The following RASEF variants were observed in gnomAD, a reference collection of about 807,000 sequenced individuals.
RASEF encodes ras and EF-hand domain-containing protein.
A neutral mutation model predicts 90.1 loss-of-function variants in RASEF; 68 were observed. The ratio of observed to expected loss-of-function variants is 0.75; its 90% CI spans 0.62 to 0.92. The LOEUF (loss-of-function observed/expected upper bound fraction) is 0.92, where lower values mean the gene tolerates loss of function less well. RASEF is among the 40% of genes least tolerant of loss of function. RASEF has a pLI of 0.00. For missense variants in RASEF, 949 were observed against 937.2 expected, an observed-to-expected ratio of 1.01 and a Z score of -0.16; for synonymous variants, 331 against 345.2, an observed-to-expected ratio of 0.96 and a Z score of 0.46.
the RASEF span, among the ~76,000 whole-genome samples, chr9:83,079,799 TAAGTGTATAGGTAGA>T: frequency 2.0e-5 from 3 of 151,446 alleles, no homozygotes; most frequent in Admixed American, 6.6e-5. Context: ...TTGTTTAAAA[TAAGTGTATAGGTAGA>T]AAGTGTATAG....
intron 1 of RASEF, among the ~76,000 whole-genome samples, chr9:83,043,685 G>A (rs1405428748): frequency 6.6e-6 from 1 of 152,142 alleles, no homozygotes; most frequent in Non-Finnish European, 1.5e-5. Flanking sequence ...TGAAGTCAGC[G>A]AAGTTTATCT....
In RASEF at chr9:83,027,743, T is replaced by A. The variant is rs543566207; in HGVS notation, c.432-1822A>T. 3.3e-5 allele frequency among the ~76,000 whole-genome samples: 5 copies of A among 152,326 alleles called. No homozygotes were observed. In the South Asian group the frequency reaches 1.0e-3, roughly 32 times the overall value. On this transcript the variant is annotated intron_variant, in intron 1 of 16. Coordinates refer to ENST00000376447, the MANE Select transcript of RASEF (RefSeq NM_152573.4). ...AAGAGCTGATTCACCGACAGGAATG[T>A]AGCATGATGTATGAATAATATACCC...
chr9:83,198,460 A>G, the RASEF span, among the ~76,000 whole-genome samples: 5 of 152,160 alleles, frequency 3.3e-5, no homozygotes, highest in Admixed American at 3.3e-4. Context: ...GTCCTTACAC[A>G]TGGATAGACT....
intron 16 of RASEF, among the ~76,000 whole-genome samples, chr9:82,990,090 G>A (rs1480237491): frequency 6.6e-6 from 1 of 152,124 alleles, no homozygotes; most frequent in African/African-American, 2.4e-5. Flanking sequence ...AGTCCCTTGT[G>A]TATAAAATCT....
intron 16 of RASEF, among the ~76,000 whole-genome samples, chr9:82,988,454 CT>C (rs975942767): frequency 6.6e-6 from 1 of 151,808 alleles, no homozygotes; most frequent in South Asian, 2.1e-4. Context: ...CAAATATTCA[CT>C]TTTTTTTTCT....
At chr9:83,158,633 T>TATATGTATATATGTAC in the RASEF span, among the ~76,000 whole-genome samples, 1 of 115,582 alleles carries the variant, frequency 8.7e-6, no homozygotes, top group Admixed American at 9.0e-5. Flanking sequence ...TACATATGTA[T>TATATGTATATATGTAC]ATATGTATAT....
chr9:83,122,093 G>A, the RASEF span, among the ~76,000 whole-genome samples: 1 of 152,158 alleles, frequency 6.6e-6, no homozygotes, highest in African/African-American at 2.4e-5. Flanking sequence ...TGAATTGGGG[G>A]AAGGGAAGGG....
intron 14 of RASEF, among the ~76,000 whole-genome samples, chr9:82,994,179 A>G (rs905496331): frequency 2.0e-5 from 3 of 152,192 alleles, no homozygotes. Flanking sequence ...AGTGTAATAA[A>G]ATCAAAGGAA....
At chr9:83,164,263 A>G in the RASEF span, among the ~76,000 whole-genome samples, 131 of 149,810 alleles carry the variant, frequency 8.7e-4, 1 homozygote, top group East Asian at 0.02. Flanking sequence ...TATTTTTCTT[A>G]TTCTTAATTG....
At chr9:83,209,845 C>T in the RASEF span, among the ~76,000 whole-genome samples, 3 of 152,112 alleles carry the variant, frequency 2.0e-5, no homozygotes, top group African/African-American at 4.8e-5. Context: ...TGTGCCCTCC[C>T]GCTTCCCTGA....
the RASEF span, among the ~76,000 whole-genome samples, chr9:83,162,461 T>C: frequency 6.6e-6 from 1 of 152,196 alleles, no homozygotes; most frequent in African/African-American, 2.4e-5. Flanking sequence ...AAATTAGTAT[T>C]TACCAAAAAT....
At chr9:83,120,859 G>A in the RASEF span, among the ~76,000 whole-genome samples, 9 of 151,448 alleles carry the variant, frequency 5.9e-5, no homozygotes, top group Non-Finnish European at 8.9e-5. Context: ...TGAGAAACCC[G>A]GAATTCCTTG....
the RASEF span, among the ~76,000 whole-genome samples, chr9:83,178,153 C>G: frequency 5.3e-5 from 8 of 152,234 alleles, no homozygotes; most frequent in East Asian, 1.5e-3. Flanking sequence ...TTCATGCTGT[C>G]ATTTTAGAAG....
the RASEF span, among the ~76,000 whole-genome samples, chr9:83,137,649 C>G: frequency 2.6e-5 from 4 of 151,898 alleles, no homozygotes; most frequent in African/African-American, 9.7e-5. Context: ...GGGCAGGGAG[C>G]CACTGAAAGT....
the RASEF span, among the ~76,000 whole-genome samples, chr9:83,141,641 G>A: frequency 2.0e-5 from 3 of 152,192 alleles, no homozygotes; most frequent in South Asian, 2.1e-4. Context: ...CCTCCAGCTC[G>A]GTACTCACCA....
intron 1 of RASEF, among the ~76,000 whole-genome samples, chr9:83,039,987 G>A (rs545524671): frequency 1.1e-4 from 17 of 152,146 alleles, no homozygotes; most frequent in East Asian, 3.9e-4. Context: ...ACTGAATCAC[G>A]GGGGCAGGTT....
At chr9:83,139,497 G>T in the RASEF span, among the ~76,000 whole-genome samples, 1 of 152,132 alleles carries the variant, frequency 6.6e-6, no homozygotes, top group Admixed American at 6.5e-5. Flanking sequence ...ATAAACTGAG[G>T]AAAAATGTTA....
intron 1 of RASEF, among the ~76,000 whole-genome samples, chr9:83,044,305 G>C (rs1829891625): frequency 6.6e-6 from 1 of 152,186 alleles, no homozygotes; most frequent in African/African-American, 2.4e-5. Context: ...CAAAATGTTT[G>C]TGTGGCTTGC....
chr9:83,014,678 G>C (rs1429808253), intron 4 of RASEF, among the ~76,000 whole-genome samples: 1 of 151,954 alleles, frequency 6.6e-6, no homozygotes, highest in Admixed American at 6.6e-5. Context: ...ATTAGTTATG[G>C]GAAAAACAAA....
Sources: gnomAD v4.1 joint callset for allele counts (sites outside exome capture counted in the v4.1 genomes callset) on GRCh38, gnomAD v4.1.1 for gene constraint, MANE v1.5 for transcripts, NCBI Gene and HGNC (gene_info 2026-07-23, HGNC 2026-07-21) for gene names.